Variants in CAST observed in about 807,000 individuals in gnomAD.
The protein encoded by CAST is calpastatin.
A neutral mutation model predicts 119.6 loss-of-function variants in CAST; 76 were observed. The ratio of observed to expected loss-of-function variants is 0.64; its 90% CI spans 0.53 to 0.77. The LOEUF (loss-of-function observed/expected upper bound fraction) is 0.77, where lower values mean the gene tolerates loss of function less well. Ranked by LOEUF, CAST falls within the 30% of genes least tolerant of loss-of-function variation. The probability of loss-of-function intolerance (pLI) is 0.00; values close to 1 mark genes in which losing one functional copy is unlikely to be tolerated. For missense variants in CAST, 953 were observed against 946.5 expected, an observed-to-expected ratio of 1.01 and a Z score of -0.09; for synonymous variants, 319 against 331.6, an observed-to-expected ratio of 0.96 and a Z score of 0.41.
the CAST span, among the ~76,000 whole-genome samples, chr5:96,175,855 T>C: frequency 6.6e-6 from 1 of 152,246 alleles, no homozygotes; most frequent in Non-Finnish European, 1.5e-5. Context: ...TTCTTAAATA[T>C]TCCTATTCCA....
chr5:96,729,982 C>T (rs1377634906), intron 8 of CAST, among the ~76,000 whole-genome samples: 1 of 152,040 alleles, frequency 6.6e-6, no homozygotes, highest in African/African-American at 2.4e-5. Flanking sequence ...CCAGCAATAA[C>T]CAGCTGTGAC....
chr5:95,992,766 A>G, the CAST span, among the ~76,000 whole-genome samples: 1 of 152,184 alleles, frequency 6.6e-6, no homozygotes, highest in Admixed American at 6.5e-5. Flanking sequence ...ATTAGGAGAA[A>G]CTAAAACTGG....
intron 20 of CAST, 24 bp from the exon 21 acceptor site, chr5:96,754,036 A>G (rs754496511): frequency 7.1e-7 from 1 of 1,401,916 alleles, no homozygotes; most frequent in Non-Finnish European, 1.0e-6. Context: ...CACCTACTTA[A>G]TATATCCACT....
the CAST span, among the ~76,000 whole-genome samples, chr5:96,006,457 A>C: frequency 6.6e-6 from 1 of 152,076 alleles, no homozygotes; most frequent in Non-Finnish European, 1.5e-5. Flanking sequence ...GTCCAAGCCC[A>C]CACATGCAGC....
the CAST span, among the ~76,000 whole-genome samples, chr5:96,497,492 T>A: frequency 1.3e-5 from 2 of 151,902 alleles, no homozygotes; most frequent in Non-Finnish European, 2.9e-5. Flanking sequence ...GTAAAAGTGT[T>A]CCTATTTCTC....
the CAST span, among the ~76,000 whole-genome samples, chr5:96,411,392 G>A: frequency 2.0e-5 from 3 of 152,310 alleles, no homozygotes; most frequent in South Asian, 4.1e-4. Flanking sequence ...GAATTATTCA[G>A]ATCTGCCTTG....
At chr5:96,741,386 A>G in intron 14 of CAST, 28 bp downstream of exon 14, 1 of 1,536,592 alleles carries the variant, frequency 6.5e-7, no homozygotes, top group Non-Finnish European at 9.0e-7. Flanking sequence ...GTTAAGGGAA[A>G]CTTGTTAGGA....
intron 2 of CAST, among the ~76,000 whole-genome samples, chr5:96,681,754 T>A (rs1019852865): frequency 2.2e-5 from 3 of 136,864 alleles, no homozygotes; most frequent in Admixed American, 7.5e-5. Context: ...AAAAAAAAAA[T>A]ACTACCAGGA....
At chr5:96,203,280 T>G in the CAST span, among the ~76,000 whole-genome samples, 3 of 152,032 alleles carry the variant, frequency 2.0e-5, no homozygotes, top group African/African-American at 7.2e-5. Flanking sequence ...CTTTTAATCT[T>G]TTCATTATTA....
At chr5:96,433,704 G>A in the CAST span, among the ~76,000 whole-genome samples, 93 of 152,278 alleles carry the variant, frequency 6.1e-4, 2 homozygotes, top group South Asian at 0.019. Flanking sequence ...GAGGCTAGGA[G>A]AGTAAGGAGA....
At chr5:96,492,210 C>G in the CAST span, among the ~76,000 whole-genome samples, 1 of 152,366 alleles carries the variant, frequency 6.6e-6, no homozygotes, top group East Asian at 1.9e-4. Context: ...CTGCCACTTA[C>G]CCTCGTTTGA....
At chr5:96,419,306 G>A in the CAST span, among the ~76,000 whole-genome samples, 1 of 144,878 alleles carries the variant, frequency 6.9e-6, no homozygotes, top group Non-Finnish European at 1.5e-5. Context: ...TATATATTAA[G>A]TGAGATATAT....
chr5:96,170,331 G>T, the CAST span, among the ~76,000 whole-genome samples: 8 of 152,186 alleles, frequency 5.3e-5, no homozygotes, highest in African/African-American at 1.9e-4. Flanking sequence ...CAGATTTCTG[G>T]CACTTGTAGC....
chr5:96,626,415 C>T (rs1429721684), intron 1 of CAST, among the ~76,000 whole-genome samples: 1 of 152,232 alleles, frequency 6.6e-6, no homozygotes, highest in Non-Finnish European at 1.5e-5. Flanking sequence ...ATAACTGACA[C>T]AGGCCTCTTG....
the CAST span, among the ~76,000 whole-genome samples, chr5:96,310,454 C>T: frequency 6.6e-6 from 1 of 152,022 alleles, no homozygotes; most frequent in African/African-American, 2.4e-5. Context: ...ATAAATAGGT[C>T]TGAAAATATT....
intron 1 of CAST, among the ~76,000 whole-genome samples, chr5:96,562,507 A>T (rs1475364953): frequency 6.6e-6 from 1 of 152,146 alleles, no homozygotes; most frequent in Non-Finnish European, 1.5e-5. Context: ...GTGGGGAAAC[A>T]AGAGCTGTCA....
chr5:96,100,599 G>T, the CAST span, among the ~76,000 whole-genome samples: 1 of 152,064 alleles, frequency 6.6e-6, no homozygotes, highest in Non-Finnish European at 1.5e-5. Context: ...TCTCTACCTG[G>T]GTGGGCTTGG....
chr5:96,624,515 C>A (rs28685724), intron 1 of CAST, among the ~76,000 whole-genome samples: 69,589 of 151,994 alleles, frequency 0.46, 16,036 homozygotes, highest in East Asian at 0.55. Flanking sequence ...TTCCTTTTTG[C>A]TTCCTTCTAA....
chr5:96,057,894 A>G, the CAST span, among the ~76,000 whole-genome samples: 1 of 152,074 alleles, frequency 6.6e-6, no homozygotes, highest in Non-Finnish European at 1.5e-5. Flanking sequence ...AGAGCATTTA[A>G]ATTCTTGACT....
Sources: gnomAD v4.1 joint callset for allele counts (sites outside exome capture counted in the v4.1 genomes callset) on GRCh38, gnomAD v4.1.1 for gene constraint, MANE v1.5 for transcripts, NCBI Gene and HGNC (gene_info 2026-07-23, HGNC 2026-07-21) for gene names.